SVIL: variants seen among roughly 807,000 people sequenced by gnomAD.
SVIL encodes supervillin.
Under a neutral mutation model 240.4 loss-of-function variants are expected in SVIL, and 101 were observed. The ratio of observed to expected loss-of-function variants is 0.42; its 90% confidence interval spans 0.36 to 0.50. The LOEUF is 0.50. Ranked by LOEUF, SVIL falls within the 20% of genes least tolerant of loss-of-function variation. The pLI, the probability that SVIL is intolerant of heterozygous loss-of-function variation, is 0.01. For synonymous variants in SVIL, 999 were observed against 1,100.0 expected (o/e 0.91, Z 1.82); for missense variants, 2,512 against 2,818.7 (o/e 0.89, Z 2.46).
intron 1 of SVIL, among the ~76,000 whole-genome samples, chr10:29,596,880 C>T (rs1564684703): frequency 6.6e-6 from 1 of 152,210 alleles, no homozygotes. Flanking sequence ...ATCAAGGCAG[C>T]TTCGTGTGAT....
At chr10:29,661,071 G>C (rs890683633) in intron 2 of SVIL, among the ~76,000 whole-genome samples, 10 of 152,010 alleles carry the variant, frequency 6.6e-5, no homozygotes, top group Middle Eastern at 3.4e-3. Context: ...GAAGGCTGAG[G>C]CAGGAGAATC....
chr10:29,590,362 A>T (rs1347864132), intron 1 of SVIL, among the ~76,000 whole-genome samples: 1 of 152,094 alleles, frequency 6.6e-6, no homozygotes, highest in Middle Eastern at 3.2e-3. Flanking sequence ...CCAGCCCCTG[A>T]CACTCAGCCT....
intron 12 of SVIL, among the ~76,000 whole-genome samples, chr10:29,529,174 T>G (rs1951158302): frequency 3.2e-5 from 1 of 31,516 alleles, no homozygotes; most frequent in African/African-American, 1.4e-4. Flanking sequence ...AGACTCTCTC[T>G]CAAAAAAAAA....
chr10:29,531,965 G>A (rs375063015), intron 9 of SVIL, 37 bp downstream of exon 9: 70 of 1,609,124 alleles, frequency 4.4e-5, no homozygotes, highest in Non-Finnish European at 5.8e-5. Flanking sequence ...TCATTGCCAC[G>A]TTCCTGGATG....
intron 27 of SVIL, among the ~76,000 whole-genome samples, chr10:29,481,967 A>G (rs1294553485): frequency 3.3e-5 from 5 of 151,014 alleles, no homozygotes; most frequent in South Asian, 2.1e-4. Context: ...TGAATGTGAC[A>G]TGAACCATGT....
chr10:29,508,644 A>G (rs1485233034), intron 17 of SVIL: 3 of 343,692 alleles, frequency 8.7e-6, no homozygotes, highest in Non-Finnish European at 1.7e-5. Context: ...ATTCTCCTGC[A>G]CTATGATCTG....
rs1168619602 is a variant in SVIL, at chr10:29,547,864, T to C, written c.827+2733A>G. Among the ~76,000 whole-genome samples, 8 of 152,206 alleles carry C rather than the reference T, an allele frequency of 5.3e-5. No homozygotes were observed. The East Asian group carries it at 1.5e-3, about 29-fold the overall frequency. On this transcript the variant is annotated intron_variant, in intron 6 of 37. Coordinates refer to ENST00000355867, the MANE Select transcript of SVIL (RefSeq NM_021738.3). The stretch of plus-strand genomic sequence containing the variant: ...GTAATTATATATCTCTGATATTCTT[T>C]TTAAATTGGAGTCTGTTAGGTTCTT...
At position 29,473,932 on chromosome 10, in the gene SVIL, A is replaced by G. The variant is rs1273211802; in HGVS notation, c.5435T>C (p.Val1812Ala). The G allele has an allele frequency of 1.9e-6, 3 of 1,613,878 alleles. No homozygotes were observed. The highest frequency in any genetic ancestry group is 2.5e-6 in the Non-Finnish European group (3 of 1,179,990). The part of the protein sequence containing the change: ...SVRAAGKEKC[V>A]YFFWQGRHST... Reference sequence around the variant, plus strand: ...GTGCCGGCCTTGCCAGAAGAAGTAGACGCACTTCTCTTTGCCGGCTGCCCT... The same window carrying G: ...GTGCCGGCCTTGCCAGAAGAAGTAGGCGCACTTCTCTTTGCCGGCTGCCCT... The change falls in exon 30 of 38, where the codon GTC becomes GCC. Residue 1812 changes from valine to alanine, a missense_variant. By Grantham distance (64) the Val-to-Ala change is moderately conservative (BLOSUM62 0). Around this residue, in one of 3 missense-constraint regions of SVIL, gnomAD observed 797 missense variants for 925.3 expected, o/e 0.86. Transcript: ENST00000355867.
At chr10:29,576,103 CT>C in intron 1 of SVIL, 18 of 985,312 alleles carry the variant, frequency 1.8e-5, no homozygotes, top group Non-Finnish European at 2.0e-5. Flanking sequence ...CCTGACTTTT[CT>C]CTCCCGAATA....
At chr10:29,550,535 A>T in intron 6 of SVIL, 62 bp downstream of exon 6, 1 of 1,474,494 alleles carries the variant, frequency 6.8e-7, no homozygotes, top group South Asian at 1.4e-5. Context: ...CCTATCACAC[A>T]GAGAGGCAAA....
At chr10:29,664,299 C>A (rs760245052) in intron 2 of SVIL, among the ~76,000 whole-genome samples, 1 of 151,920 alleles carries the variant, frequency 6.6e-6, no homozygotes, top group African/African-American at 2.4e-5. Flanking sequence ...TTGATGGCTC[C>A]TACCACTTGC....
At chr10:29,611,322 C>T (rs1383204992) in intron 1 of SVIL, among the ~76,000 whole-genome samples, 1 of 151,972 alleles carries the variant, frequency 6.6e-6, no homozygotes, top group Non-Finnish European at 1.5e-5. Flanking sequence ...ATTTTAGAGG[C>T]TTGATCTGTT....
At chr10:29,703,723 A>T (rs1962687680) in intron 1 of SVIL, among the ~76,000 whole-genome samples, 1 of 152,204 alleles carries the variant, frequency 6.6e-6, no homozygotes, top group Non-Finnish European at 1.5e-5. Context: ...GGGATTCCTC[A>T]GTGGCCCTGA....
chr10:29,495,290 A>C, intron 18 of SVIL, 109 bp from the exon 19 acceptor site: 1 of 614,598 alleles, frequency 1.6e-6, no homozygotes, highest in Non-Finnish European at 2.8e-6. Context: ...AACATATAAG[A>C]ATTTACACAC....
chr10:29,627,224 A>C (rs1055351127), intron 1 of SVIL, among the ~76,000 whole-genome samples: 21 of 101,722 alleles, frequency 2.1e-4, no homozygotes, highest in Non-Finnish European at 5.0e-4. Context: ...TCCCACCTTG[A>C]ACTACTACCT....
chr10:29,462,554 TATATA>T, intron 35 of SVIL, among the ~76,000 whole-genome samples, 153 bp from the exon 36 acceptor site: 1 of 111,174 alleles, frequency 9.0e-6, no homozygotes, highest in East Asian at 2.7e-4. Context: ...GGATAATGTT[TATATA>T]AGATGTTTGT....
rs752029344 is a variant in SVIL, at chr10:29,536,017, T to C, written c.880A>G (p.Thr294Ala). ...WFLQKDSEGD[T>A]PSLINWPSRV... ...GAAGGCCAGTTGATAAGTGAAGGTG[T>C]GTCCCCTTCGGAATCTTTCTGGAGA... The change falls in exon 7 of 38, where the codon ACA becomes GCA. Residue 294 changes from threonine to alanine, a missense_variant. Coordinates refer to ENST00000355867, the MANE Select transcript of SVIL (RefSeq NM_021738.3). 4.3e-6 allele frequency: 7 copies of C among 1,614,118 alleles called. No individual in the cohort carries two copies. The South Asian group carries it at 7.7e-5, about 18-fold the overall frequency.
intron 1 of SVIL, among the ~76,000 whole-genome samples, chr10:29,581,673 A>C (rs1955953421): frequency 6.6e-6 from 1 of 152,238 alleles, no homozygotes; most frequent in African/African-American, 2.4e-5. Context: ...TGTTCAAAAG[A>C]GTAATGTTAA....
At chr10:29,611,793 C>T (rs192309714) in intron 1 of SVIL, among the ~76,000 whole-genome samples, 3 of 152,250 alleles carry the variant, frequency 2.0e-5, no homozygotes, top group Non-Finnish European at 4.4e-5. Flanking sequence ...AGAGTGAATC[C>T]TTCAAGGTGA....
Sources: allele counts gnomAD v4.1 joint callset (sites outside exome capture counted in the v4.1 genomes callset), GRCh38; gene constraint gnomAD v4.1.1; regional missense constraint gnomAD v4.1.1; transcripts MANE v1.5; gene names NCBI Gene and HGNC (gene_info 2026-07-23, HGNC 2026-07-21).